The following JCAD variants were observed in gnomAD, a reference collection of about 807,000 sequenced individuals.
JCAD encodes junctional cadherin 5-associated protein.
JCAD carries 40 observed loss-of-function variants against 98.0 expected under a neutral mutation model. The ratio of observed to expected loss-of-function variants is 0.41; its 90% confidence interval spans 0.32 to 0.53. The LOEUF (loss-of-function observed/expected upper bound fraction) is 0.53, where lower values mean the gene tolerates loss of function less well. JCAD is among the 20% of genes least tolerant of loss of function. The pLI is 0.31. For missense variants in JCAD, 1,705 were observed against 1,738.1 expected (o/e 0.98, Z 0.34); for synonymous variants, 691 against 682.3 (o/e 1.01, Z -0.20).
intron 2 of JCAD, 113 bp downstream of exon 2, chr10:30,047,419 A>G (rs1163519469): frequency 1.5e-6 from 2 of 1,294,028 alleles, no homozygotes; most frequent in Non-Finnish European, 2.1e-6. Context: ...GTCTAATACC[A>G]TTTCTCCCTC....
intron 1 of JCAD, among the ~76,000 whole-genome samples, chr10:30,110,026 G>A (rs998929165): frequency 5.9e-5 from 9 of 152,076 alleles, no homozygotes; most frequent in African/African-American, 2.2e-4. Flanking sequence ...CCACTGATGT[G>A]TGAAGCTCCT....
At chr10:30,082,859 A>C (rs1280888312) in intron 1 of JCAD, among the ~76,000 whole-genome samples, 1 of 141,146 alleles carries the variant, frequency 7.1e-6, no homozygotes, top group Non-Finnish European at 1.5e-5. Context: ...CTCAAAAAAA[A>C]AAAAAAAAAA....
At chr10:30,040,826 G>T (rs1192869156) in intron 2 of JCAD, among the ~76,000 whole-genome samples, 10 of 152,064 alleles carry the variant, frequency 6.6e-5, no homozygotes, top group Non-Finnish European at 1.5e-5. Context: ...AAAGCGGCTG[G>T]ACCAGAAGAC....
At chr10:30,022,444 A>C (rs1836680888) in intron 3 of JCAD, among the ~76,000 whole-genome samples, 1 of 152,230 alleles carries the variant, frequency 6.6e-6, no homozygotes, top group Non-Finnish European at 1.5e-5. Context: ...ATACATCAAA[A>C]GGAAAGCAAA....
At chr10:30,032,359 G>A (rs1564447128) in intron 2 of JCAD, among the ~76,000 whole-genome samples, 1 of 152,180 alleles carries the variant, frequency 6.6e-6, no homozygotes, top group Non-Finnish European at 1.5e-5. Context: ...TCTAGCATGC[G>A]GGGAGAGTTC....
At chr10:30,100,707 A>C (rs1838457666) in intron 1 of JCAD, among the ~76,000 whole-genome samples, 1 of 152,154 alleles carries the variant, frequency 6.6e-6, no homozygotes, top group Non-Finnish European at 1.5e-5. Flanking sequence ...TTCTTAAACA[A>C]AGCCTGAGGC....
chr10:30,074,062 C>T (rs1235442985), intron 1 of JCAD, among the ~76,000 whole-genome samples: 1 of 152,044 alleles, frequency 6.6e-6, no homozygotes, highest in Non-Finnish European at 1.5e-5. Context: ...TAAAAGCTGG[C>T]TTTTACAGTG....
At position 30,029,395 on chromosome 10, in the gene JCAD, A is replaced by G. The variant is rs1836935000; in HGVS notation, c.753T>C (p.Asn251=). Reference sequence around the variant, plus strand: ...GTGGCATTTTAGGTGAATGTCTTTCATTTAATGGAATGGGAATTTCCGTGC... The same window carrying G: ...GTGGCATTTTAGGTGAATGTCTTTCGTTTAATGGAATGGGAATTTCCGTGC... ...LSCTEIPIPL[N]ERHSPKMPPY... The change falls in exon 3 of 4, where the codon AAT becomes AAC. Residue 251 remains asparagine, a synonymous_variant. Coordinates refer to ENST00000375377, the MANE Select transcript of JCAD (RefSeq NM_020848.4). 6.2e-7 allele frequency: 1 copy of G among 1,613,844 alleles called. No homozygotes were observed. Among genetic ancestry groups the G allele is most frequent in the South Asian group, 1.1e-5 (1 of 91,064 alleles).
rs1449974841 is a variant in JCAD at position 30,014,864 on chromosome 10, A to G, written c.*3019T>C. On this transcript the variant is annotated 3_prime_UTR_variant, in exon 4 of 4. Coordinates refer to ENST00000375377, the MANE Select transcript of JCAD (RefSeq NM_020848.4). ...GAAACCCGCAACCTACAACTCTGCT[A>G]AGGAAACCAGGATCTCAAAGAACAG... 2 of 152,230 alleles carry G rather than the reference A, an allele frequency of 1.3e-5. No homozygotes were observed. Among genetic ancestry groups the G allele is most frequent in the Non-Finnish European group, 2.9e-5 (2 of 68,040 alleles). The allele number at this position is 152,230 out of a possible 1,614,324, so 9.4% of individuals were successfully genotyped here. A position where few individuals can be genotyped will look rare whatever the true frequency, so the allele number is the denominator to read the frequency against.
intron 1 of JCAD, among the ~76,000 whole-genome samples, chr10:30,088,376 G>C (rs143948890): frequency 1.7e-3 from 255 of 152,214 alleles, no homozygotes; most frequent in African/African-American, 5.9e-3. Context: ...CCTGTTCCCA[G>C]AGCCTGATGG....
rs1236774147 is a variant in JCAD at position 30,015,161 on chromosome 10, A to G, written c.*2722T>C. Reference sequence around the variant, plus strand: ...ATCCATTGCATATGTAATCCCTCATATAATTTTTAGCCCAAATGGTCAAAA... The same window carrying G: ...ATCCATTGCATATGTAATCCCTCATGTAATTTTTAGCCCAAATGGTCAAAA... On this transcript the variant is annotated 3_prime_UTR_variant, in exon 4 of 4. Transcript: ENST00000375377. 1 of 152,220 alleles carries G rather than the reference A, an allele frequency of 6.6e-6. No homozygotes were observed. The highest frequency in any genetic ancestry group is 2.4e-5 in the African/African-American group (1 of 41,464). 9.4% of individuals were successfully genotyped at this position (152,220 alleles called of 1,614,324 possible).
Position 30,028,526 on chromosome 10 carries a change from A to G in JCAD, c.1622T>C (p.Val541Ala), listed in dbSNP as rs370504386. 2 of 1,614,004 alleles carry G rather than the reference A, an allele frequency of 1.2e-6. No homozygotes were observed. The highest frequency in any genetic ancestry group is 1.3e-5 in the African/African-American group (1 of 74,912). ...CTCGCCCTGTGAGTAAGGGGAGGAA[A>G]CTTGTCTTCCAGTGTGCCCGTGCTG... ...GSQHGHTGRQ[V>A]SSPYSQGEST... The change falls in exon 3 of 4, where the codon GTT becomes GCT. Residue 541 changes from valine to alanine, a missense_variant. Val to Ala is a moderately conservative substitution (Grantham distance 64). This residue lies in a region of JCAD where 1,278 missense variants were observed against 1,243.1 expected (regional missense o/e 1.03). Transcript: ENST00000375377.
chr10:30,111,702 A>T (rs1306009289), intron 1 of JCAD, among the ~76,000 whole-genome samples: 1 of 152,228 alleles, frequency 6.6e-6, no homozygotes, highest in Non-Finnish European at 1.5e-5. Context: ...CAACAAACAA[A>T]TAAAAAGAGG....
At chr10:30,078,974 G>T (rs1403344508) in intron 1 of JCAD, among the ~76,000 whole-genome samples, 1 of 152,194 alleles carries the variant, frequency 6.6e-6, no homozygotes, top group African/African-American at 2.4e-5. Context: ...AGGTAGGTAA[G>T]TGTCCCATAA....
At chr10:30,063,857 G>A (rs567886259), upstream of JCAD, among the ~76,000 whole-genome samples, 2 of 152,134 alleles carry the variant, frequency 1.3e-5, no homozygotes, top group African/African-American at 4.8e-5. Flanking sequence ...GCCCAGCCTG[G>A]AGTGCAGTGT....
In JCAD at chr10:30,026,431, C is replaced by A. The variant is rs1195947707; in HGVS notation, c.3717G>T (p.Val1239=). Residue 1239 remains valine (V), a synonymous_variant, in exon 3 of 4, where the codon GTG becomes GTT. Coordinates refer to ENST00000375377, the MANE Select transcript of JCAD (RefSeq NM_020848.4). ...CCAGTTTCTCTTGTAAACTTTCAAT[C>A]ACTTTGGAAGGGCTTCTAAGTCTCT... The part of the protein sequence containing the change: ...SEKRLRSPSK[V]IESLQEKLAS... 1 of 1,614,256 alleles carries A rather than the reference C, an allele frequency of 6.2e-7. No homozygotes were observed.
chr10:30,074,218 G>T (rs1311764724), intron 1 of JCAD, among the ~76,000 whole-genome samples: 2 of 152,088 alleles, frequency 1.3e-5, no homozygotes, highest in African/African-American at 4.8e-5. Context: ...TGTACCTGTG[G>T]CTAAGACATT....
intron 1 of JCAD, among the ~76,000 whole-genome samples, chr10:30,076,652 G>A (rs973754234): frequency 2.0e-5 from 3 of 152,170 alleles, no homozygotes; most frequent in African/African-American, 7.2e-5. Context: ...AGTGAAATTA[G>A]GAAGGATTAT....
At chr10:30,036,883 C>T (rs1004923537) in intron 2 of JCAD, among the ~76,000 whole-genome samples, 1 of 152,246 alleles carries the variant, frequency 6.6e-6, no homozygotes, top group Non-Finnish European at 1.5e-5. Context: ...CAGATGCCTG[C>T]TGCTTTCCAT....
Sources: allele counts gnomAD v4.1 joint callset (sites outside exome capture counted in the v4.1 genomes callset), GRCh38; gene constraint gnomAD v4.1.1; regional missense constraint gnomAD v4.1.1; transcripts MANE v1.5; gene names NCBI Gene and HGNC (gene_info 2026-07-23, HGNC 2026-07-21).